The following PHF20 variants were observed in gnomAD, a reference collection of about 807,000 sequenced individuals.
PHF20 encodes PHD finger protein 20.
In PHF20, 23 loss-of-function variants were observed where a neutral mutation model predicts 113.5. The observed-to-expected ratio is 0.20, with a 90% confidence interval of 0.15 to 0.29. The LOEUF is 0.29. Ranked by LOEUF, PHF20 falls within the 10% of genes least tolerant of loss-of-function variation. PHF20 has a pLI of 1.00. For missense variants in PHF20, 943 were observed against 1,219.6 expected (o/e 0.77, Z 3.38); for synonymous variants, 434 against 457.3 (o/e 0.95, Z 0.65).
intron 6 of PHF20, among the ~76,000 whole-genome samples, 196 bp from the exon 7 acceptor site, chr20:35,869,242 A>G (rs2054373944): frequency 6.6e-6 from 1 of 152,186 alleles, no homozygotes; most frequent in Non-Finnish European, 1.5e-5. Flanking sequence ...AGGTATCACC[A>G]TCTCCTGTAA....
intron 13 of PHF20, among the ~76,000 whole-genome samples, chr20:35,920,418 TAGTGA>T (rs2055490166): frequency 6.6e-6 from 1 of 152,142 alleles, no homozygotes; most frequent in Non-Finnish European, 1.5e-5. Context: ...TACAGCTGAG[TAGTGA>T]TTTAAAGTTT....
At chr20:35,812,589 G>A (rs1371818200) in intron 2 of PHF20, among the ~76,000 whole-genome samples, 1 of 152,060 alleles carries the variant, frequency 6.6e-6, no homozygotes, top group Non-Finnish European at 1.5e-5. Context: ...CTGGAAATGA[G>A]GTCTAGACTT....
intron 9 of PHF20, among the ~76,000 whole-genome samples, chr20:35,892,036 AT>A (rs1284566267): frequency 2.0e-5 from 3 of 148,662 alleles, no homozygotes; most frequent in Non-Finnish European, 4.5e-5. Context: ...CCCCCAGCTA[AT>A]TTTTTTTGTT....
intron 9 of PHF20, among the ~76,000 whole-genome samples, chr20:35,881,553 A>G (rs895826423): frequency 4.6e-5 from 7 of 151,564 alleles, no homozygotes; most frequent in Non-Finnish European, 8.8e-5. Context: ...AAAAAAAAAA[A>G]AAAGAAAAAG....
intron 9 of PHF20, among the ~76,000 whole-genome samples, chr20:35,883,591 G>A (rs1410920338): frequency 2.0e-5 from 3 of 152,104 alleles, no homozygotes; most frequent in African/African-American, 7.2e-5. Flanking sequence ...ACAGGCACTC[G>A]CCGTCACTCC....
At chr20:35,872,903 G>C (rs897617818) in intron 9 of PHF20, among the ~76,000 whole-genome samples, 1 of 152,174 alleles carries the variant, frequency 6.6e-6, no homozygotes, top group Non-Finnish European at 1.5e-5. Context: ...CTGTCAGTTA[G>C]ATCAAGGTAG....
Position 35,914,010 on chromosome 20 carries a change from C to T in PHF20, c.1661-23C>T, listed in dbSNP as rs761986957. On this transcript the variant is annotated intron_variant, in intron 11 of 17. Coordinates refer to ENST00000374012, the MANE Select transcript of PHF20 (RefSeq NM_016436.5). Reference sequence around the variant, plus strand: ...CCAGTGTTAACTAGGGTTATTCATTCCTTCCTGATCCTGTTCTTCCAGAAT... The same window carrying T: ...CCAGTGTTAACTAGGGTTATTCATTTCTTCCTGATCCTGTTCTTCCAGAAT... 5 of 1,612,220 alleles carry T rather than the reference C, an allele frequency of 3.1e-6. No homozygotes were observed. In the African/African-American group the frequency reaches 6.7e-5, roughly 22 times the overall value.
At chr20:35,891,740 A>G (rs1252620393) in intron 9 of PHF20, among the ~76,000 whole-genome samples, 4 of 152,194 alleles carry the variant, frequency 2.6e-5, no homozygotes, top group Admixed American at 2.0e-4. Context: ...ATAATTTTTC[A>G]TGTCTCTAAA....
chr20:35,814,892 A>AAATAAAT (rs752701246), intron 2 of PHF20, among the ~76,000 whole-genome samples: 3 of 110,178 alleles, frequency 2.7e-5, no homozygotes, highest in Non-Finnish European at 5.8e-5. Context: ...AAAAAAAAAT[A>AAATAAAT]AAATAAATAA....
intron 3 of PHF20, among the ~76,000 whole-genome samples, chr20:35,846,169 G>A (rs1200417340): frequency 2.0e-5 from 3 of 150,788 alleles, no homozygotes; most frequent in Non-Finnish European, 3.0e-5. Context: ...ACTTTTCAGT[G>A]TTCATTCTAC....
intron 3 of PHF20, among the ~76,000 whole-genome samples, chr20:35,846,109 C>G (rs1222147443): frequency 6.6e-6 from 1 of 151,852 alleles, no homozygotes; most frequent in Non-Finnish European, 1.5e-5. Flanking sequence ...CTATTGCTGG[C>G]CTTTTTTTTC....
At chr20:35,847,850 A>T (rs529726546) in intron 4 of PHF20, among the ~76,000 whole-genome samples, 1 of 152,224 alleles carries the variant, frequency 6.6e-6, no homozygotes. Flanking sequence ...GGTCTGTAAC[A>T]TTGGAGTTGC....
intron 4 of PHF20, chr20:35,849,270 T>C: frequency 2.8e-6 from 1 of 357,490 alleles, no homozygotes; most frequent in Non-Finnish European, 5.6e-6. Context: ...GATTCAGAGA[T>C]GAAGATAATT....
intron 3 of PHF20, 51 bp downstream of exon 3, chr20:35,842,795 C>T: frequency 2.0e-6 from 3 of 1,521,156 alleles, no homozygotes; most frequent in Non-Finnish European, 2.7e-6. Flanking sequence ...AGCCATTGGG[C>T]TGTTTGTGTT....
intron 2 of PHF20, among the ~76,000 whole-genome samples, chr20:35,811,516 C>T (rs1304528867): frequency 6.6e-6 from 1 of 151,154 alleles, no homozygotes; most frequent in Non-Finnish European, 1.5e-5. Context: ...AATCTCGGCT[C>T]ACTGCAACCT....
At chr20:35,884,885 C>T (rs1181116407) in intron 9 of PHF20, among the ~76,000 whole-genome samples, 1 of 152,086 alleles carries the variant, frequency 6.6e-6, no homozygotes, top group African/African-American at 2.4e-5. Context: ...AGCTGGAGTG[C>T]AGTGATGAGA....
chr20:35,838,923 G>A (rs2042491365), intron 2 of PHF20, among the ~76,000 whole-genome samples: 2 of 151,022 alleles, frequency 1.3e-5, no homozygotes, highest in East Asian at 3.9e-4. Context: ...GAGGTCAGGA[G>A]TTCAAAGCTG....
chr20:35,846,571 G>A (rs2042628384), intron 3 of PHF20, among the ~76,000 whole-genome samples: 1 of 150,588 alleles, frequency 6.6e-6, no homozygotes, highest in Non-Finnish European at 1.5e-5. Context: ...AGTGTAGATG[G>A]CATTAAATGC....
chr20:35,921,311 T>C (rs1480707222), intron 13 of PHF20, among the ~76,000 whole-genome samples: 2 of 151,892 alleles, frequency 1.3e-5, no homozygotes, highest in Admixed American at 6.6e-5. Flanking sequence ...GCTTGGAACA[T>C]GTTTGAGTGT....
Sources: gnomAD v4.1 joint callset for allele counts (sites outside exome capture counted in the v4.1 genomes callset) on GRCh38, gnomAD v4.1.1 for gene constraint, MANE v1.5 for transcripts, NCBI Gene and HGNC (gene_info 2026-07-23, HGNC 2026-07-21) for gene names.